The following SLC4A4 variants were observed in gnomAD, a reference collection of about 807,000 sequenced individuals.
The protein encoded by SLC4A4 is solute carrier family 4 member 4, also known as electrogenic sodium bicarbonate cotransporter 1.
SLC4A4 carries 27 observed loss-of-function variants against 111.5 expected under a neutral mutation model. The ratio of observed to expected loss-of-function variants is 0.24; its 90% confidence interval spans 0.18 to 0.33. The LOEUF (loss-of-function observed/expected upper bound fraction) is 0.33. Among genes scored for constraint, SLC4A4 ranks in the 10% least tolerant of loss-of-function variants. The pLI, the probability that SLC4A4 is intolerant of heterozygous loss-of-function variation, is 1.00. For missense variants in SLC4A4, 909 were observed against 1,315.5 expected (o/e 0.69, Z 4.78); for synonymous variants, 443 against 463.4 (o/e 0.96, Z 0.57).
chr4:71,110,480 A>G (rs1424991342), intron 2 of SLC4A4, among the ~76,000 whole-genome samples: 4 of 152,210 alleles, frequency 2.6e-5, no homozygotes, highest in African/African-American at 9.6e-5. Flanking sequence ...TGCTGGGATT[A>G]CAGATGTGAG....
chr4:71,186,458 A>T (rs907708227), upstream of SLC4A4, among the ~76,000 whole-genome samples: 13 of 152,168 alleles, frequency 8.5e-5, no homozygotes, highest in African/African-American at 2.9e-4. Flanking sequence ...AACTCTTTTG[A>T]GTAGGACAAA....
intron 1 of SLC4A4, among the ~76,000 whole-genome samples, chr4:71,213,616 T>A (rs145052064): frequency 6.6e-6 from 1 of 152,200 alleles, no homozygotes; most frequent in East Asian, 1.9e-4. Flanking sequence ...CTCCCTGATA[T>A]GGACTGAATG....
At chr4:71,197,425 G>A (rs1746057802) in intron 1 of SLC4A4, among the ~76,000 whole-genome samples, 1 of 152,118 alleles carries the variant, frequency 6.6e-6, no homozygotes, top group African/African-American at 2.4e-5. Flanking sequence ...TGATATGACT[G>A]TATTTGATCT....
chr4:71,484,671 T>G lies in SLC4A4; in HGVS notation c.1904-2277T>G, dbSNP rs186136243. ...GTTTCATATAAATTTTAAAATAGTT[T>G]TTTCTACTTCCACATTGAGAAGAAT... On this transcript the variant is annotated intron_variant, in intron 14 of 25. Coordinates refer to ENST00000264485, the MANE Select transcript of SLC4A4 (RefSeq NM_001098484.3). Among the ~76,000 whole-genome samples the G allele has an allele frequency of 3.9e-5, 6 of 151,918 alleles. No individual in the cohort carries two copies. The East Asian group carries it at 1.2e-3, about 30-fold the overall frequency.
chr4:71,447,113 C>A (rs1476359519), intron 8 of SLC4A4, among the ~76,000 whole-genome samples: 1 of 152,216 alleles, frequency 6.6e-6, no homozygotes, highest in Admixed American at 6.5e-5. Context: ...CTTACTTTGG[C>A]TGTCACCATG....
intron 1 of SLC4A4, among the ~76,000 whole-genome samples, chr4:71,223,179 T>C (rs1718848641): frequency 6.9e-6 from 1 of 144,614 alleles, no homozygotes; most frequent in Non-Finnish European, 1.5e-5. Flanking sequence ...ACTGATACTC[T>C]TTTTTTTTTT....
intron 6 of SLC4A4, among the ~76,000 whole-genome samples, chr4:71,395,265 G>A (rs1350629600): frequency 6.6e-6 from 1 of 152,032 alleles, no homozygotes; most frequent in Non-Finnish European, 1.5e-5. Context: ...GGAGGGGGAT[G>A]GAAAAAGATT....
chr4:71,224,731 A>T (rs1718950460), intron 1 of SLC4A4, among the ~76,000 whole-genome samples: 1 of 152,156 alleles, frequency 6.6e-6, no homozygotes, highest in Non-Finnish European at 1.5e-5. Flanking sequence ...TAAGTGATGT[A>T]ATTTGAAATT....
chr4:71,349,569 G>C (rs1349456615), intron 4 of SLC4A4, among the ~76,000 whole-genome samples: 8 of 152,130 alleles, frequency 5.3e-5, no homozygotes, highest in African/African-American at 1.7e-4. Context: ...CCCACATGGA[G>C]AATTTTGAAA....
intron 2 of SLC4A4, among the ~76,000 whole-genome samples, chr4:71,149,757 A>G (rs1744265791): frequency 6.6e-6 from 1 of 152,132 alleles, no homozygotes; most frequent in Non-Finnish European, 1.5e-5. Flanking sequence ...ATAGGTTTGG[A>G]TGAGATTCAC....
chr4:71,373,663 A>T (rs185909052), intron 6 of SLC4A4, among the ~76,000 whole-genome samples: 37 of 152,284 alleles, frequency 2.4e-4, no homozygotes, highest in Admixed American at 5.2e-4. Context: ...TAGTACGGAG[A>T]TAGCATGGTT....
chr4:71,409,623 A>AT (rs1159525666), intron 7 of SLC4A4, among the ~76,000 whole-genome samples: 2 of 152,270 alleles, frequency 1.3e-5, no homozygotes, highest in African/African-American at 4.8e-5. Flanking sequence ...AAAAGTTCCG[A>AT]AAATTTGCAG....
At chr4:71,120,135 T>C (rs1331475737) in intron 2 of SLC4A4, among the ~76,000 whole-genome samples, 1 of 152,206 alleles carries the variant, frequency 6.6e-6, no homozygotes, top group African/African-American at 2.4e-5. Context: ...CTCATGGAGC[T>C]TTTCTTTTTC....
chr4:71,458,497 A>G lies in SLC4A4; in HGVS notation c.1497+4828A>G, dbSNP rs571352333. Among the ~76,000 whole-genome samples, 4 of 152,172 alleles carry G rather than the reference A, an allele frequency of 2.6e-5. No homozygotes were observed. In the East Asian group the frequency reaches 7.7e-4, roughly 29 times the overall value. ...CAGGAGTAAATATAATCCTATTTTC[A>G]CAAACCTTTTAGCAAAAGAATACAG... On this transcript the variant is annotated intron_variant, in intron 12 of 25. Coordinates refer to ENST00000264485, the MANE Select transcript of SLC4A4 (RefSeq NM_001098484.3).
Position 71,171,414 on chromosome 4 carries a change from C to T in SLC4A4, c.-1-65162C>T, listed in dbSNP as rs188719723. 1.8e-4 allele frequency among the ~76,000 whole-genome samples: 28 copies of T among 152,256 alleles called. No individual in the cohort carries two copies. In the South Asian group the frequency reaches 2.1e-3, roughly 11 times the overall value. On this transcript the variant is annotated intron_variant, in intron 2 of 26. Transcript: ENST00000649996. ...AAGCCTAGTTACAGAACCCTGGCTT[C>T]GTAACTTTGGTACTTGAGTGACTTG...
At chr4:71,287,716 G>A (rs926265521) in intron 3 of SLC4A4, among the ~76,000 whole-genome samples, 4 of 152,170 alleles carry the variant, frequency 2.6e-5, no homozygotes, top group African/African-American at 9.6e-5. Context: ...ATTTCAAAAT[G>A]AAAAATTTTG....
chr4:71,102,964 A>G (rs1367982497), intron 2 of SLC4A4, among the ~76,000 whole-genome samples: 351 of 129,638 alleles, frequency 2.7e-3, no homozygotes, highest in Admixed American at 4.4e-3. Flanking sequence ...CAATTAAAAG[A>G]CACAGACTGG....
At chr4:71,161,192 A>C (rs183386875) in intron 2 of SLC4A4, among the ~76,000 whole-genome samples, 11 of 152,342 alleles carry the variant, frequency 7.2e-5, no homozygotes, top group African/African-American at 2.4e-4. Context: ...CCTTCCCCAC[A>C]AAGCAAATAG....
chr4:71,107,575 C>A (rs941601470), intron 2 of SLC4A4, among the ~76,000 whole-genome samples: 3 of 152,106 alleles, frequency 2.0e-5, no homozygotes, highest in African/African-American at 7.2e-5. Context: ...GTCTCAAACT[C>A]CCGACCTCAA....
Sources: gnomAD v4.1 joint callset for allele counts (sites outside exome capture counted in the v4.1 genomes callset) on GRCh38, gnomAD v4.1.1 for gene constraint, MANE v1.5 for transcripts, NCBI Gene and HGNC (gene_info 2026-07-23, HGNC 2026-07-21) for gene names.